Variants in RALGPS1 observed in about 807,000 individuals in gnomAD.
RALGPS1 encodes the protein Ral GEF with PH domain and SH3 binding motif 1, also known as ras-specific guanine nucleotide-releasing factor RalGPS1.
Under a neutral mutation model 78.8 loss-of-function variants are expected in RALGPS1, and 19 were observed. The observed-to-expected ratio is 0.24, with a 90% CI of 0.17 to 0.35. The LOEUF (loss-of-function observed/expected upper bound fraction) is 0.35. Among genes scored for constraint, RALGPS1 ranks in the 10% least tolerant of loss-of-function variants. The pLI, the probability that RALGPS1 is intolerant of heterozygous loss-of-function variation, is 1.00. For missense variants in RALGPS1, 454 were observed against 688.3 expected, an observed-to-expected ratio of 0.66 and a Z score of 3.81; for synonymous variants, 228 against 256.3, an observed-to-expected ratio of 0.89 and a Z score of 1.06.
At chr9:127,013,066 C>T (rs1221291774) in intron 4 of RALGPS1, among the ~76,000 whole-genome samples, 1 of 152,112 alleles carries the variant, frequency 6.6e-6, no homozygotes, top group Non-Finnish European at 1.5e-5. Flanking sequence ...TCCGTTGTGG[C>T]CTGGAGAATT....
At chr9:126,928,423 A>G (rs2035497316) in intron 1 of RALGPS1, among the ~76,000 whole-genome samples, 1 of 152,186 alleles carries the variant, frequency 6.6e-6, no homozygotes, top group Non-Finnish European at 1.5e-5. Flanking sequence ...ATGCTGGGCA[A>G]AGAGAAGGGA....
intron 3 of RALGPS1, among the ~76,000 whole-genome samples, chr9:126,977,406 C>T (rs2040769644): frequency 6.6e-6 from 1 of 152,124 alleles, no homozygotes; most frequent in Admixed American, 6.5e-5. Context: ...TCAAATAAAA[C>T]TGTTCCCTTT....
chr9:127,042,903 A>T (rs1414078300), intron 5 of RALGPS1, among the ~76,000 whole-genome samples: 2 of 152,224 alleles, frequency 1.3e-5, no homozygotes. Context: ...TGAAGTTAAC[A>T]AACAATACCA....
intron 1 of RALGPS1, among the ~76,000 whole-genome samples, chr9:126,926,557 T>C (rs952080749): frequency 6.6e-5 from 10 of 151,704 alleles, no homozygotes; most frequent in Admixed American, 2.6e-4. Flanking sequence ...GAGGATCTGG[T>C]TGGAGAGGTG....
At chr9:127,090,976 G>A (rs1329168155) in intron 8 of RALGPS1, among the ~76,000 whole-genome samples, 1 of 152,172 alleles carries the variant, frequency 6.6e-6, no homozygotes, top group East Asian at 1.9e-4. Context: ...TAAAGACCTA[G>A]ATTTGAAGCA....
chr9:127,001,870 G>T (rs1425196914), intron 4 of RALGPS1, among the ~76,000 whole-genome samples: 1 of 152,140 alleles, frequency 6.6e-6, no homozygotes, highest in Non-Finnish European at 1.5e-5. Flanking sequence ...GGCAACAAGA[G>T]TGAGACTCCA....
At chr9:127,177,955 G>T in intron 11 of RALGPS1, 1 of 1,547,768 alleles carries the variant, frequency 6.5e-7, no homozygotes, top group South Asian at 1.2e-5. Flanking sequence ...CCCTGGCAGG[G>T]GACAGAATGG....
intron 4 of RALGPS1, among the ~76,000 whole-genome samples, chr9:126,979,927 G>A (rs1686389602): frequency 6.6e-6 from 1 of 152,176 alleles, no homozygotes; most frequent in East Asian, 1.9e-4. Context: ...TAAATCTCTT[G>A]ATGGGGGTCT....
At chr9:127,057,311 T>C (rs1424504881) in intron 7 of RALGPS1, among the ~76,000 whole-genome samples, 1 of 152,156 alleles carries the variant, frequency 6.6e-6, no homozygotes, top group African/African-American at 2.4e-5. Context: ...GCCATCCCTG[T>C]GGGTTGCACT....
chr9:127,109,692 A>C lies in RALGPS1; in HGVS notation c.610+40336A>C, dbSNP rs117574231. Among the ~76,000 whole-genome samples the C allele has an allele frequency of 9.9e-3, 1,508 of 152,360 alleles. 8 individuals carry two copies. Among genetic ancestry groups the C allele is most frequent in the Non-Finnish European group, 0.014 (974 of 68,036 alleles). ...GAACACCTGTGATTTGCTGGACAGC[A>C]TGCTAGTGGCTAGGGATACAGCTAC... On this transcript the variant is annotated intron_variant, in intron 8 of 18. Transcript: ENST00000259351.
intron 1 of RALGPS1, among the ~76,000 whole-genome samples, chr9:126,935,692 A>G (rs1230841175): frequency 1.3e-5 from 2 of 152,212 alleles, no homozygotes; most frequent in African/African-American, 4.8e-5. Context: ...TGGTTCTCCT[A>G]AGGAGGATGC....
intron 1 of RALGPS1, among the ~76,000 whole-genome samples, chr9:126,958,471 G>A (rs1427803598): frequency 6.6e-6 from 1 of 151,954 alleles, no homozygotes; most frequent in Non-Finnish European, 1.5e-5. Flanking sequence ...CACTTTTGTC[G>A]CTCTAAATTT....
intron 12 of RALGPS1, among the ~76,000 whole-genome samples, chr9:127,195,710 G>A (rs916996834): frequency 6.6e-6 from 1 of 152,222 alleles, no homozygotes; most frequent in Non-Finnish European, 1.5e-5. Flanking sequence ...AACTGTGCCT[G>A]TGTCTCCAGG....
At chr9:127,165,402 A>G (rs1482339047) in intron 8 of RALGPS1, among the ~76,000 whole-genome samples, 1 of 152,256 alleles carries the variant, frequency 6.6e-6, no homozygotes, top group Non-Finnish European at 1.5e-5. Flanking sequence ...CTGGCCTGTG[A>G]TGGATCTTAC....
intron 1 of RALGPS1, among the ~76,000 whole-genome samples, chr9:126,946,230 T>A (rs1399091271): frequency 6.6e-6 from 1 of 152,062 alleles, no homozygotes; most frequent in Non-Finnish European, 1.5e-5. Context: ...TCAAAGCAAA[T>A]GTTCCCTGGA....
intron 4 of RALGPS1, among the ~76,000 whole-genome samples, chr9:126,988,947 A>G (rs1241576624): frequency 1.3e-5 from 2 of 152,126 alleles, no homozygotes; most frequent in Non-Finnish European, 2.9e-5. Flanking sequence ...GGGAGGCCAG[A>G]AGGGCCAGAG....
intron 18 of RALGPS1, chr9:127,217,526 A>G: frequency 1.4e-6 from 1 of 715,144 alleles, no homozygotes. Flanking sequence ...AACACTGAAT[A>G]CACTTAAACC....
intron 1 of RALGPS1, among the ~76,000 whole-genome samples, chr9:126,915,218 G>C (rs2033992780): frequency 6.9e-6 from 1 of 144,886 alleles, no homozygotes; most frequent in African/African-American, 2.5e-5. Flanking sequence ...TCCGGGGCCA[G>C]GGGCGCGCTG....
At position 127,211,822 on chromosome 9, in the gene RALGPS1, G is replaced by A. The variant is rs566235231; in HGVS notation, c.1248-309G>A. On this transcript the variant is annotated intron_variant, in intron 14 of 18. Coordinates refer to ENST00000259351, the MANE Select transcript of RALGPS1 (RefSeq NM_014636.3). This position sits in a 1 kb window ranked among gnomAD's most constrained non-coding sequence, Gnocchi z 5.0. Reference sequence around the variant, plus strand: ...GGAGCCCACGCCAGCCCCAGGGAGCGGCCAGGCTGTAGCCGTGACAAAAGC... The same window carrying A: ...GGAGCCCACGCCAGCCCCAGGGAGCAGCCAGGCTGTAGCCGTGACAAAAGC... Among the ~76,000 whole-genome samples, 7 of 152,272 alleles carry A rather than the reference G, an allele frequency of 4.6e-5. No individual in the cohort carries two copies. The highest frequency in any genetic ancestry group is 1.9e-4 in the East Asian group (1 of 5,176).
Sources: gnomAD v4.1 joint callset for allele counts (sites outside exome capture counted in the v4.1 genomes callset) on GRCh38, gnomAD v4.1.1 for gene constraint, Gnocchi (gnomAD v3.1) non-coding constraint, MANE v1.5 for transcripts, NCBI Gene and HGNC (gene_info 2026-07-23, HGNC 2026-07-21) for gene names.